The following COL23A1 variants were observed in gnomAD, a reference collection of about 807,000 sequenced individuals.
The protein encoded by COL23A1 is collagen alpha-1(XXIII) chain.
COL23A1 carries 97 observed loss-of-function variants against 99.3 expected under a neutral mutation model. That is an observed-to-expected ratio of 0.98 (90% confidence interval 0.83 to 1.16). COL23A1 has a LOEUF of 1.16. COL23A1 is among the 50% of genes most tolerant of loss of function. The probability of loss-of-function intolerance (pLI) is 0.00; values close to 1 mark genes in which losing one functional copy is unlikely to be tolerated. For synonymous variants in COL23A1, 320 were observed against 308.2 expected (o/e 1.04, Z -0.40); for missense variants, 762 against 757.4 (o/e 1.01, Z -0.07).
At chr5:178,552,988 G>A (rs898752939) in intron 2 of COL23A1, among the ~76,000 whole-genome samples, 12 of 152,026 alleles carry the variant, frequency 7.9e-5, no homozygotes, top group Non-Finnish European at 1.3e-4. Flanking sequence ...GATTACAGGC[G>A]TGAGCCACTG....
rs909084185 is a variant in COL23A1, at chr5:178,321,178, T to C, written c.362-14259A>G. Among the ~76,000 whole-genome samples, 13 of 152,342 alleles carry C rather than the reference T, an allele frequency of 8.5e-5. 1 individual carries two copies. The highest frequency in any genetic ancestry group is 3.1e-4 in the African/African-American group (13 of 41,578). On this transcript the variant is annotated intron_variant, in intron 2 of 28. Transcript: ENST00000390654. ...AGGTCCCATCTTAACCATTCTTGAG[T>C]GGACGGTTGAGCGGCATCAAGCACA... is the stretch of plus-strand genomic sequence containing the variant.
intron 7 of COL23A1, 35 bp downstream of exon 7, chr5:178,268,695 C>A: frequency 1.3e-6 from 2 of 1,589,026 alleles, no homozygotes; most frequent in Non-Finnish European, 1.7e-6. Flanking sequence ...TCTTCGCCTG[C>A]CTACCACATC....
intron 2 of COL23A1, among the ~76,000 whole-genome samples, chr5:178,469,602 C>T (rs1309991538): frequency 6.6e-6 from 1 of 152,006 alleles, no homozygotes; most frequent in South Asian, 2.1e-4. Context: ...GAGCTGGGCT[C>T]CCCCGGGCAG....
At chr5:178,499,586 T>C (rs1353054511) in intron 2 of COL23A1, among the ~76,000 whole-genome samples, 3 of 152,232 alleles carry the variant, frequency 2.0e-5, no homozygotes, top group Non-Finnish European at 4.4e-5. Context: ...TCTGAGAATT[T>C]ATCACAGCTA....
At chr5:178,327,526 C>T (rs1759755946) in intron 2 of COL23A1, among the ~76,000 whole-genome samples, 1 of 152,166 alleles carries the variant, frequency 6.6e-6, no homozygotes, top group East Asian at 1.9e-4. Flanking sequence ...CTGGAATGGG[C>T]TGGTTCAGAC....
rs537874816 is a variant in COL23A1 at position 178,402,088 on chromosome 5, T to C, written c.362-95169A>G. 7.4e-4 allele frequency among the ~76,000 whole-genome samples: 112 copies of C among 152,306 alleles called. 1 individual carries two copies. Among genetic ancestry groups the C allele is most frequent in the Non-Finnish European group, 7.1e-4 (48 of 68,024 alleles). ...ACCTCAGCCTACCAAAGTGCTGGAA[T>C]TACAGGTGTGAGCCACCGCGCCCAG... On this transcript the variant is annotated intron_variant, in intron 2 of 28. Transcript: ENST00000390654.
At chr5:178,446,797 T>C (rs1480151016) in intron 2 of COL23A1, among the ~76,000 whole-genome samples, 1 of 152,088 alleles carries the variant, frequency 6.6e-6, no homozygotes. Context: ...ATACTGCTTG[T>C]AAAGGTGAAA....
At chr5:178,354,343 C>T (rs545917437) in intron 2 of COL23A1, among the ~76,000 whole-genome samples, 9 of 152,174 alleles carry the variant, frequency 5.9e-5, no homozygotes, top group South Asian at 4.2e-4. Context: ...AAAATAGCTG[C>T]GACTACAGGC....
chr5:178,506,012 A>T (rs754171436), intron 2 of COL23A1, among the ~76,000 whole-genome samples: 24 of 152,174 alleles, frequency 1.6e-4, no homozygotes, highest in Non-Finnish European at 3.2e-4. Context: ...GGGCCTTCAG[A>T]CTATAAATGA....
At chr5:178,474,170 C>A (rs758186780) in intron 2 of COL23A1, among the ~76,000 whole-genome samples, 1 of 152,188 alleles carries the variant, frequency 6.6e-6, no homozygotes, top group Non-Finnish European at 1.5e-5. Flanking sequence ...CCCATCAATG[C>A]GCAGCTCTGT....
intron 2 of COL23A1, among the ~76,000 whole-genome samples, chr5:178,498,635 T>A (rs975485628): frequency 3.9e-5 from 6 of 152,152 alleles, no homozygotes; most frequent in Non-Finnish European, 5.9e-5. Flanking sequence ...GAAATATTTT[T>A]AAAATATTTT....
chr5:178,587,088 T>C (rs1236928246), intron 1 of COL23A1, among the ~76,000 whole-genome samples: 2 of 152,234 alleles, frequency 1.3e-5, no homozygotes. Flanking sequence ...ATGAAAGCCA[T>C]GTATTCTAAA....
intron 12 of COL23A1, among the ~76,000 whole-genome samples, chr5:178,258,840 G>A (rs1765476862): frequency 6.6e-6 from 1 of 151,688 alleles, no homozygotes; most frequent in Non-Finnish European, 1.5e-5. Flanking sequence ...GACTACAGAT[G>A]CATGCCACTG....
At chr5:178,263,082 T>C in intron 9 of COL23A1, 126 bp downstream of exon 9, 1 of 787,720 alleles carries the variant, frequency 1.3e-6, no homozygotes, top group Non-Finnish European at 2.3e-6. Flanking sequence ...GTTCAGTGTC[T>C]GGATTAGGGT....
At chr5:178,496,475 G>A (rs1327369860) in intron 2 of COL23A1, among the ~76,000 whole-genome samples, 2 of 152,036 alleles carry the variant, frequency 1.3e-5, no homozygotes, top group Non-Finnish European at 2.9e-5. Context: ...AGTTGTAGCC[G>A]GACTAATTTG....
intron 2 of COL23A1, among the ~76,000 whole-genome samples, chr5:178,411,475 A>G (rs1357328202): frequency 1.3e-5 from 2 of 152,262 alleles, no homozygotes; most frequent in Non-Finnish European, 2.9e-5. Context: ...AAGGAAATGA[A>G]GTACTGATAC....
In COL23A1 at chr5:178,428,508, C is replaced by T. The variant is rs1194980845; in HGVS notation, c.362-121589G>A. Among the ~76,000 whole-genome samples, 2 of 152,338 alleles carry T rather than the reference C, an allele frequency of 1.3e-5. No individual in the cohort carries two copies. Among genetic ancestry groups the T allele is most frequent in the Admixed American group, 6.5e-5 (1 of 15,306 alleles). On this transcript the variant is annotated intron_variant, in intron 2 of 28. Transcript: ENST00000390654. The surrounding 1 kb of genome is among the most constrained non-coding windows in gnomAD (Gnocchi z 5.0). ...GTGTCCGGAGTGACTGCCAGCTGGG[C>T]CTGTGCTCTGTGTCCAGGAGCCGCG...
In COL23A1 at chr5:178,310,870, G is replaced by A. The variant is rs1581130019; in HGVS notation, c.362-3951C>T. 6.6e-6 allele frequency among the ~76,000 whole-genome samples: 1 copy of A among 152,106 alleles called. No individual in the cohort carries two copies. Among genetic ancestry groups the A allele is most frequent in the Admixed American group, 6.5e-5 (1 of 15,268 alleles). On this transcript the variant is annotated intron_variant, in intron 2 of 28. Coordinates refer to ENST00000390654, the MANE Select transcript of COL23A1 (RefSeq NM_173465.4). This position sits in a 1 kb window ranked among gnomAD's most constrained non-coding sequence, Gnocchi z 4.3. ...GTTTTTCTTCTTTCTACAAGCAGAA[G>A]AACCTTTCCTGCTGCTGCCTGAGAC...
chr5:178,364,370 G>A (rs770351413), intron 2 of COL23A1, among the ~76,000 whole-genome samples: 1 of 152,110 alleles, frequency 6.6e-6, no homozygotes, highest in Non-Finnish European at 1.5e-5. Context: ...TTTGGGATTG[G>A]CAGCTCCAGG....
Sources: gnomAD v4.1 joint callset for allele counts (sites outside exome capture counted in the v4.1 genomes callset) on GRCh38, gnomAD v4.1.1 for gene constraint, Gnocchi (gnomAD v3.1) non-coding constraint, MANE v1.5 for transcripts, NCBI Gene and HGNC (gene_info 2026-07-23, HGNC 2026-07-21) for gene names.